The following HUNK variants were observed in gnomAD, a reference collection of about 807,000 sequenced individuals.
HUNK encodes hormonally up-regulated Neu-associated kinase, also known as hormonally up-regulated neu tumor-associated kinase.
HUNK carries 21 observed loss-of-function variants against 61.0 expected under a neutral mutation model. The observed-to-expected ratio is 0.34, with a 90% confidence interval of 0.24 to 0.50. The LOEUF is 0.50. Among genes scored for constraint, HUNK ranks in the 20% least tolerant of loss-of-function variants. The pLI is 0.98. For missense variants in HUNK, 772 were observed against 945.7 expected, an observed-to-expected ratio of 0.82 and a Z score of 2.41; for synonymous variants, 371 against 386.1, an observed-to-expected ratio of 0.96 and a Z score of 0.46.
At chr21:31,968,573 GC>G (rs966844565) in intron 6 of HUNK, among the ~76,000 whole-genome samples, 188 bp downstream of exon 6, 1 of 152,194 alleles carries the variant, frequency 6.6e-6, no homozygotes. Context: ...GCCACCATGT[GC>G]TGTTATGCCG....
chr21:31,912,003 G>T (rs1036026031), intron 1 of HUNK, among the ~76,000 whole-genome samples: 1 of 152,216 alleles, frequency 6.6e-6, no homozygotes, highest in Non-Finnish European at 1.5e-5. Flanking sequence ...GAGCTGCTCG[G>T]TCTCCTCGTA....
chr21:31,916,084 T>C (rs2052580300), intron 1 of HUNK, among the ~76,000 whole-genome samples: 1 of 117,952 alleles, frequency 8.5e-6, no homozygotes. Flanking sequence ...GGAGTCTCGC[T>C]CTGTCGCCCA....
intron 4 of HUNK, among the ~76,000 whole-genome samples, chr21:31,954,578 G>A (rs2052874933): frequency 6.6e-6 from 1 of 152,218 alleles, no homozygotes. Flanking sequence ...CATGAGTGCA[G>A]TTCTCACTGC....
At position 31,929,580 on chromosome 21, in the gene HUNK, C is replaced by G. The variant is rs148345981; in HGVS notation, c.554+4820C>G. ...TCTGCTGAGAGGCTAATTTGAGATT[C>G]ATGTGTTCATTCAAAATAACAAAGT... On this transcript the variant is annotated intron_variant, in intron 2 of 10. Coordinates refer to ENST00000270112, the MANE Select transcript of HUNK (RefSeq NM_014586.2). Among the ~76,000 whole-genome samples, 446 of 152,292 alleles carry G rather than the reference C, an allele frequency of 2.9e-3. 5 individuals are homozygous for G. The highest frequency in any genetic ancestry group is 0.01 in the African/African-American group (429 of 41,570).
chr21:31,995,753 G>C lies in HUNK; in HGVS notation c.1306-15G>C. On this transcript the variant is annotated splice_polypyrimidine_tract_variant and intron_variant, in intron 9 of 10. Transcript: ENST00000270112. ...AGTATGTGTCTAAGTGCATATGTTT[G>C]CTTCTGATTTGTAGGATAAAAAGCC... The C allele has an allele frequency of 6.2e-7, 1 of 1,608,652 alleles. No individual in the cohort carries two copies. Among genetic ancestry groups the C allele is most frequent in the African/African-American group, 1.3e-5 (1 of 74,774 alleles).
chr21:31,909,951 A>G (rs886424503), intron 1 of HUNK, among the ~76,000 whole-genome samples: 5 of 152,134 alleles, frequency 3.3e-5, no homozygotes, highest in African/African-American at 1.2e-4. Context: ...TGGAGCCGGG[A>G]GCCGGGAGCC....
intron 1 of HUNK, among the ~76,000 whole-genome samples, chr21:31,894,230 C>T (rs1052470476): frequency 5.9e-5 from 9 of 152,058 alleles, no homozygotes; most frequent in African/African-American, 1.9e-4. Context: ...CGAAGGTCAT[C>T]CCAGGGCCTA....
chr21:31,921,154 C>CAAAA (rs751938845), intron 1 of HUNK, among the ~76,000 whole-genome samples: 20 of 39,392 alleles, frequency 5.1e-4, no homozygotes, highest in East Asian at 1.3e-3. Context: ...GATTCCATCT[C>CAAAA]AAAAAAAAAA....
intron 5 of HUNK, 117 bp downstream of exon 5, chr21:31,959,087 A>G: frequency 9.1e-7 from 1 of 1,098,852 alleles, no homozygotes; most frequent in Non-Finnish European, 1.2e-6. Context: ...CCATGGTTAT[A>G]AGTTTCTTTC....
chr21:31,948,853 C>T (rs2052828653), intron 4 of HUNK, among the ~76,000 whole-genome samples: 1 of 152,194 alleles, frequency 6.6e-6, no homozygotes, highest in African/African-American at 2.4e-5. Context: ...AGAAACAGAC[C>T]AGAATGAGAT....
rs2053237878 is a variant in HUNK, at chr21:32,000,333, G to A, written c.*1149G>A. ...AGATACAGGCCAGTTTCTTCTTCGAGGAAAGCCAAGCTCCTCAAACAGGGT... is the reference window on the plus strand; with the variant it reads ...AGATACAGGCCAGTTTCTTCTTCGAAGAAAGCCAAGCTCCTCAAACAGGGT... On this transcript the variant is annotated 3_prime_UTR_variant, in exon 11 of 11. Coordinates refer to ENST00000270112, the MANE Select transcript of HUNK (RefSeq NM_014586.2). 2.5e-6 allele frequency: 1 copy of A among 399,082 alleles called. No homozygotes were observed. Among genetic ancestry groups the A allele is most frequent in the African/African-American group, 2.1e-5 (1 of 48,748 alleles). The allele number at this position is 399,082 out of a possible 1,614,324, so 24.7% of individuals were successfully genotyped here. A position where few individuals can be genotyped will look rare whatever the true frequency, so the allele number is the denominator to read the frequency against.
intron 5 of HUNK, among the ~76,000 whole-genome samples, chr21:31,960,501 C>T (rs570952603): frequency 1.3e-5 from 2 of 151,944 alleles, no homozygotes; most frequent in South Asian, 2.1e-4. Flanking sequence ...ATCTGGTGTA[C>T]TAGTCCATTC....
chr21:31,974,798 G>A (rs747820113), intron 7 of HUNK, 81 bp downstream of exon 7: 136 of 1,330,486 alleles, frequency 1.0e-4, no homozygotes, highest in Non-Finnish European at 1.3e-4. Flanking sequence ...CTCAGTTGCT[G>A]ACACTTGATC....
intron 6 of HUNK, among the ~76,000 whole-genome samples, chr21:31,969,279 C>T (rs1284789822): frequency 6.6e-6 from 1 of 152,192 alleles, no homozygotes; most frequent in Non-Finnish European, 1.5e-5. Context: ...TTCCAAACCA[C>T]CCTTAGATGC....
intron 1 of HUNK, among the ~76,000 whole-genome samples, chr21:31,878,258 C>CAAA (rs59741283): frequency 8.8e-4 from 79 of 89,844 alleles, no homozygotes; most frequent in Admixed American, 1.1e-3. Context: ...GACTCCATCT[C>CAAA]AAAAAAAAAA....
At chr21:31,933,289 C>T (rs1281422640) in intron 2 of HUNK, among the ~76,000 whole-genome samples, 1 of 152,116 alleles carries the variant, frequency 6.6e-6, no homozygotes, top group African/African-American at 2.4e-5. Context: ...GCCCATTGGC[C>T]AAGAAAAAGC....
At chr21:31,955,141 C>T (rs902308268) in intron 4 of HUNK, among the ~76,000 whole-genome samples, 3 of 152,070 alleles carry the variant, frequency 2.0e-5, no homozygotes, top group Non-Finnish European at 4.4e-5. Context: ...GGTCTGAGGA[C>T]GAACCACACG....
chr21:31,948,975 T>A (rs2052829584), intron 4 of HUNK, among the ~76,000 whole-genome samples: 2 of 152,350 alleles, frequency 1.3e-5, no homozygotes, highest in African/African-American at 4.8e-5. Context: ...AGGAATCAGC[T>A]GCTGCTCCTG....
intron 1 of HUNK, among the ~76,000 whole-genome samples, chr21:31,886,688 C>T (rs561145612): frequency 6.7e-6 from 1 of 149,884 alleles, no homozygotes; most frequent in Admixed American, 6.6e-5. Context: ...TGAGACAGTT[C>T]CGCTCTTGTT....
Sources: allele counts gnomAD v4.1 joint callset (sites outside exome capture counted in the v4.1 genomes callset), GRCh38; gene constraint gnomAD v4.1.1; transcripts MANE v1.5; gene names NCBI Gene and HGNC (gene_info 2026-07-23, HGNC 2026-07-21).